The following NYAP2 variants were observed in gnomAD, a reference collection of about 807,000 sequenced individuals.
The protein encoded by NYAP2 is neuronal tyrosine-phosphorylated phosphoinositide-3-kinase adapter 2.
NYAP2 carries 23 observed loss-of-function variants against 50.4 expected under a neutral mutation model. That is an observed-to-expected ratio of 0.46 (90% confidence interval 0.33 to 0.65). The LOEUF is 0.65. Ranked by LOEUF, NYAP2 falls within the 30% of genes least tolerant of loss-of-function variation. NYAP2 has a pLI of 0.02. For missense variants in NYAP2, 885 were observed against 861.0 expected (o/e 1.03, Z -0.35); for synonymous variants, 394 against 365.2 (o/e 1.08, Z -0.90).
chr2:225,476,399 C>A (rs374865130), intron 3 of NYAP2, among the ~76,000 whole-genome samples: 4 of 143,728 alleles, frequency 2.8e-5, no homozygotes, highest in African/African-American at 5.2e-5. Context: ...GGTGACAGAG[C>A]GGGACTCTGT....
At chr2:225,476,919 C>T (rs185049161) in intron 3 of NYAP2, among the ~76,000 whole-genome samples, 11 of 152,124 alleles carry the variant, frequency 7.2e-5, no homozygotes, top group South Asian at 4.1e-4. Context: ...CTTTAAAAAA[C>T]GGCTATTTAA....
chr2:225,595,248 G>T (rs575029578), intron 5 of NYAP2, among the ~76,000 whole-genome samples: 1 of 152,308 alleles, frequency 6.6e-6, no homozygotes, highest in Admixed American at 6.5e-5. Context: ...AGAGATTGGG[G>T]TATTCATGTG....
At chr2:225,623,670 C>A (rs1481018732) in intron 5 of NYAP2, among the ~76,000 whole-genome samples, 1 of 152,114 alleles carries the variant, frequency 6.6e-6, no homozygotes, top group Non-Finnish European at 1.5e-5. Context: ...TGAACACACA[C>A]CAAGTTCGAC....
At chr2:225,638,289 T>A (rs1376674582) in intron 6 of NYAP2, among the ~76,000 whole-genome samples, 5 of 151,274 alleles carry the variant, frequency 3.3e-5, no homozygotes, top group African/African-American at 1.2e-4. Flanking sequence ...TCTCCAGCAG[T>A]GGAAAGTCAA....
At chr2:225,455,571 G>C (rs1489974915) in intron 3 of NYAP2, among the ~76,000 whole-genome samples, 5 of 152,150 alleles carry the variant, frequency 3.3e-5, no homozygotes. Flanking sequence ...AAATAAAAAT[G>C]TCCCTGATTT....
At chr2:225,497,091 C>T (rs1042559577) in intron 3 of NYAP2, among the ~76,000 whole-genome samples, 6 of 152,068 alleles carry the variant, frequency 3.9e-5, no homozygotes, top group Non-Finnish European at 2.9e-5. Flanking sequence ...GCGGATAATC[C>T]AAGTGCCTTC....
intron 3 of NYAP2, among the ~76,000 whole-genome samples, chr2:225,505,794 C>G (rs1690693596): frequency 6.6e-6 from 1 of 152,174 alleles, no homozygotes; most frequent in East Asian, 1.9e-4. Flanking sequence ...TATACCTGAA[C>G]AGTTTGGGAT....
At chr2:225,565,071 C>A (rs1370696912) in intron 4 of NYAP2, among the ~76,000 whole-genome samples, 2 of 151,098 alleles carry the variant, frequency 1.3e-5, no homozygotes, top group African/African-American at 4.9e-5. Context: ...GCAGAGGTTG[C>A]AGTGAGACAA....
At chr2:225,606,159 G>T (rs182299736) in intron 5 of NYAP2, among the ~76,000 whole-genome samples, 9 of 152,222 alleles carry the variant, frequency 5.9e-5, no homozygotes, top group Non-Finnish European at 7.4e-5. Flanking sequence ...TTTGCCCAAA[G>T]CCTCAGAGTT....
chr2:225,459,153 C>G (rs1288543345), intron 3 of NYAP2, among the ~76,000 whole-genome samples: 1 of 152,198 alleles, frequency 6.6e-6, no homozygotes, highest in East Asian at 1.9e-4. Flanking sequence ...ATAGCTAAAC[C>G]GTTTAACATG....
chr2:225,566,483 A>G, intron 4 of NYAP2, among the ~76,000 whole-genome samples: 1 of 152,206 alleles, frequency 6.6e-6, no homozygotes, highest in Admixed American at 6.5e-5. Flanking sequence ...CCAATCATTA[A>G]TCGGATTTTT....
chr2:225,547,004 G>A (rs751218398), intron 4 of NYAP2, among the ~76,000 whole-genome samples: 20 of 152,214 alleles, frequency 1.3e-4, no homozygotes, highest in Non-Finnish European at 2.6e-4. Context: ...GGCCTAGAAG[G>A]GGGTCTCACA....
At chr2:225,702,541 T>C in the NYAP2 span, 1 of 151,694 alleles carries the variant, frequency 6.6e-6, no homozygotes, top group Non-Finnish European at 1.5e-5. Context: ...AAGGTAAAAT[T>C]CTAAACATAC....
chr2:225,550,021 G>T (rs1248287956), intron 4 of NYAP2, among the ~76,000 whole-genome samples: 1 of 150,448 alleles, frequency 6.6e-6, no homozygotes, highest in Non-Finnish European at 1.5e-5. Flanking sequence ...AAAATAGAGA[G>T]AGAGAAAAAA....
At chr2:225,702,158 T>C in the NYAP2 span, 2 of 151,648 alleles carry the variant, frequency 1.3e-5, no homozygotes, top group East Asian at 3.9e-4. Context: ...GAAATAGAAG[T>C]AGAATAGATA....
chr2:225,626,522 C>T (rs1243742972), intron 5 of NYAP2, among the ~76,000 whole-genome samples: 3 of 152,076 alleles, frequency 2.0e-5, no homozygotes, highest in South Asian at 4.1e-4. Context: ...TATACATTTG[C>T]CAAATAAAAG....
At chr2:225,569,993 G>A (rs1003179533) in intron 4 of NYAP2, among the ~76,000 whole-genome samples, 2 of 152,214 alleles carry the variant, frequency 1.3e-5, no homozygotes, top group Non-Finnish European at 2.9e-5. Context: ...GCCTGTAGTA[G>A]TAGAGCTGAG....
the NYAP2 span, among the ~76,000 whole-genome samples, chr2:225,662,925 C>T: frequency 2.6e-5 from 4 of 152,178 alleles, no homozygotes; most frequent in Admixed American, 6.5e-5. Flanking sequence ...ATCCGACGAT[C>T]GCAGTCTCCA....
chr2:225,524,044 A>T (rs1691111107), intron 4 of NYAP2, among the ~76,000 whole-genome samples: 1 of 152,198 alleles, frequency 6.6e-6, no homozygotes, highest in South Asian at 2.1e-4. Context: ...CTCCAGAGGG[A>T]CAGAACTGAT....
Sources: gnomAD v4.1 joint callset for allele counts (sites outside exome capture counted in the v4.1 genomes callset) on GRCh38, gnomAD v4.1.1 for gene constraint, MANE v1.5 for transcripts, NCBI Gene and HGNC (gene_info 2026-07-23, HGNC 2026-07-21) for gene names.